Variants in DCAF1 observed in about 807,000 individuals in gnomAD.
DCAF1 encodes the protein DDB1- and CUL4-associated factor 1.
DCAF1 carries 15 observed loss-of-function variants against 128.0 expected under a neutral mutation model. That is an observed-to-expected ratio of 0.12 (90% CI 0.08 to 0.18). The LOEUF is 0.18. Ranked by LOEUF, DCAF1 falls within the 10% of genes least tolerant of loss-of-function variation. The probability of loss-of-function intolerance (pLI) is 1.00; values close to 1 mark genes in which losing one functional copy is unlikely to be tolerated. For missense variants in DCAF1, 988 were observed against 1,649.5 expected, an observed-to-expected ratio of 0.60 and a Z score of 6.95; for synonymous variants, 610 against 603.0, an observed-to-expected ratio of 1.01 and a Z score of -0.17.
intron 6 of DCAF1, among the ~76,000 whole-genome samples, chr3:51,461,616 T>C (rs1173360419): frequency 2.1e-4 from 32 of 152,186 alleles, no homozygotes; most frequent in Non-Finnish European, 3.4e-4. Context: ...TTCACACGTA[T>C]GTTTATTGCG....
At chr3:51,439,136 C>T (rs1701121284) in intron 9 of DCAF1, among the ~76,000 whole-genome samples, 1 of 151,758 alleles carries the variant, frequency 6.6e-6, no homozygotes, top group African/African-American at 2.4e-5. Context: ...AAGGGTCTGC[C>T]TGTTTTGTTT....
At chr3:51,399,866 T>C (rs2089521224) in intron 24 of DCAF1, among the ~76,000 whole-genome samples, 1 of 152,034 alleles carries the variant, frequency 6.6e-6, no homozygotes, top group Non-Finnish European at 1.5e-5. Context: ...AAATGCCCCA[T>C]GTGGTAAGGG....
At chr3:51,396,683 G>A (rs567426140), downstream of DCAF1, 1 of 167,204 alleles carries the variant, frequency 6.0e-6, no homozygotes, top group South Asian at 2.1e-4. Flanking sequence ...TGCCTCCTTA[G>A]CCCCTTAGCA....
At chr3:51,408,554 T>C (rs1698112148) in intron 23 of DCAF1, among the ~76,000 whole-genome samples, 1 of 152,178 alleles carries the variant, frequency 6.6e-6, no homozygotes, top group Non-Finnish European at 1.5e-5. Context: ...CTGGTTTTCC[T>C]ACAAAGGAAA....
At chr3:51,434,221 G>C (rs1700627287) in intron 9 of DCAF1, among the ~76,000 whole-genome samples, 1 of 152,110 alleles carries the variant, frequency 6.6e-6, no homozygotes, top group Non-Finnish European at 1.5e-5. Context: ...GGACAACATA[G>C]CACAACCCCA....
intron 2 of DCAF1, among the ~76,000 whole-genome samples, chr3:51,492,910 C>T (rs1368806099): frequency 2.6e-5 from 4 of 151,982 alleles, no homozygotes; most frequent in East Asian, 1.9e-4. Flanking sequence ...AGGAGAATGG[C>T]GTGAACCCGG....
chr3:51,424,844 G>A (rs1553633689), intron 13 of DCAF1, among the ~76,000 whole-genome samples: 1 of 152,140 alleles, frequency 6.6e-6, no homozygotes, highest in African/African-American at 2.4e-5. Flanking sequence ...ACATGAGTGG[G>A]GAGAATATGG....
chr3:51,471,155 A>C, intron 3 of DCAF1, 150 bp from the exon 4 acceptor site: 1 of 469,762 alleles, frequency 2.1e-6, no homozygotes. Flanking sequence ...CTACACAATT[A>C]TCTCATAAAA....
intron 2 of DCAF1, among the ~76,000 whole-genome samples, chr3:51,494,648 T>C (rs1169421836): frequency 6.6e-6 from 1 of 152,084 alleles, no homozygotes; most frequent in East Asian, 1.9e-4. Context: ...ACATGATTTT[T>C]TAAAAAACAC....
At chr3:51,455,425 T>G (rs1341994660) in intron 6 of DCAF1, among the ~76,000 whole-genome samples, 1 of 151,644 alleles carries the variant, frequency 6.6e-6, no homozygotes, top group Non-Finnish European at 1.5e-5. Flanking sequence ...GGCAACACAG[T>G]GAGACCTCGT....
intron 24 of DCAF1, among the ~76,000 whole-genome samples, chr3:51,402,319 C>A (rs1368068159): frequency 6.6e-6 from 1 of 152,128 alleles, no homozygotes; most frequent in Non-Finnish European, 1.5e-5. Flanking sequence ...AACAGCACCC[C>A]ATGAGGGGCT....
intron 6 of DCAF1, among the ~76,000 whole-genome samples, chr3:51,462,492 T>C (rs1703706185): frequency 6.6e-6 from 1 of 152,240 alleles, no homozygotes; most frequent in African/African-American, 2.4e-5. Flanking sequence ...ACGCCTGTAA[T>C]GCCAGCACTT....
At chr3:51,443,322 G>A (rs1553639393) in intron 7 of DCAF1, among the ~76,000 whole-genome samples, 5 of 152,100 alleles carry the variant, frequency 3.3e-5, no homozygotes. Context: ...CAGACACGGT[G>A]GCTCACGCTT....
intron 23 of DCAF1, among the ~76,000 whole-genome samples, chr3:51,406,153 C>G (rs962708441): frequency 2.0e-5 from 3 of 151,884 alleles, no homozygotes; most frequent in Non-Finnish European, 4.4e-5. Context: ...ACCATCCCGG[C>G]TAACACAGTG....
upstream of DCAF1, among the ~76,000 whole-genome samples, chr3:51,501,120 G>A (rs1426217553): frequency 6.6e-6 from 1 of 152,146 alleles, no homozygotes; most frequent in Non-Finnish European, 1.5e-5. Context: ...CCCAGCCTCT[G>A]TCTTTTTGTT....
At chr3:51,416,434 G>A (rs1402984215) in intron 18 of DCAF1, among the ~76,000 whole-genome samples, 1 of 152,062 alleles carries the variant, frequency 6.6e-6, no homozygotes, top group African/African-American at 2.4e-5. Flanking sequence ...CTCTTACCCT[G>A]CTTTCATTTT....
intron 2 of DCAF1, among the ~76,000 whole-genome samples, chr3:51,484,770 C>T (rs192468016): frequency 1.3e-3 from 198 of 150,714 alleles, no homozygotes; most frequent in African/African-American, 4.6e-3. Context: ...GAAACCTCCA[C>T]CTCTCGGGTT....
At chr3:51,437,641 C>T (rs1296973941) in intron 9 of DCAF1, among the ~76,000 whole-genome samples, 6 of 152,132 alleles carry the variant, frequency 3.9e-5, no homozygotes, top group South Asian at 2.1e-4. Context: ...TAATGAAACC[C>T]GGTCTCTACC....
chr3:51,469,626 T>C (rs1704518169), intron 4 of DCAF1, among the ~76,000 whole-genome samples: 1 of 152,140 alleles, frequency 6.6e-6, no homozygotes, highest in Admixed American at 6.6e-5. Context: ...CCACTGGTGA[T>C]CTACCTTATA....
Sources: gnomAD v4.1 joint callset for allele counts (sites outside exome capture counted in the v4.1 genomes callset) on GRCh38, gnomAD v4.1.1 for gene constraint, MANE v1.5 for transcripts, NCBI Gene and HGNC (gene_info 2026-07-23, HGNC 2026-07-21) for gene names.